The following RASSF4 variants were observed in gnomAD, a reference collection of about 807,000 sequenced individuals.
The protein encoded by RASSF4 is Ras association domain family member 4, also known as ras association domain-containing protein 4.
In RASSF4, 38 loss-of-function variants were observed where a neutral mutation model predicts 41.1. The ratio of observed to expected loss-of-function variants is 0.92; its 90% CI spans 0.71 to 1.21. RASSF4 has a LOEUF of 1.21. Ranked by LOEUF, RASSF4 falls within the 50% of genes most tolerant of loss-of-function variation. The probability of loss-of-function intolerance (pLI) is 0.00; values close to 1 mark genes in which losing one functional copy is unlikely to be tolerated. For synonymous variants in RASSF4, 179 were observed against 163.4 expected (o/e 1.10, Z -0.73); for missense variants, 414 against 419.4 (o/e 0.99, Z 0.11).
At chr10:44,966,632 C>A (rs902380851) in intron 1 of RASSF4, among the ~76,000 whole-genome samples, 1 of 152,170 alleles carries the variant, frequency 6.6e-6, no homozygotes, top group Non-Finnish European at 1.5e-5. Flanking sequence ...ACTGTGGTGC[C>A]ACCCATTTTT....
At chr10:44,982,373 T>C (rs763719087) in intron 3 of RASSF4, 148 bp from the exon 4 acceptor site, 104 of 946,490 alleles carry the variant, frequency 1.1e-4, no homozygotes, top group Admixed American at 1.6e-4. Flanking sequence ...CCAGGGCACG[T>C]AGTGGCTGAT....
chr10:44,977,784 G>C, intron 3 of RASSF4: 2 of 1,601,360 alleles, frequency 1.2e-6, no homozygotes, highest in Non-Finnish European at 1.7e-6. Context: ...GTGATGTCTC[G>C]CAGGGACACA....
chr10:44,968,967 A>T (rs928026310), intron 1 of RASSF4, among the ~76,000 whole-genome samples: 2 of 150,922 alleles, frequency 1.3e-5, no homozygotes, highest in Admixed American at 1.3e-4. Context: ...TGTGTGTGTG[A>T]GTGTGTGTCT....
intron 1 of RASSF4, among the ~76,000 whole-genome samples, chr10:44,960,621 G>A (rs992106241): frequency 6.6e-6 from 1 of 152,232 alleles, no homozygotes; most frequent in Admixed American, 6.5e-5. Context: ...TGGCACGGCG[G>A]AGGGAGGGAG....
At chr10:44,961,849 G>C (rs1031193235) in intron 1 of RASSF4, among the ~76,000 whole-genome samples, 1 of 152,254 alleles carries the variant, frequency 6.6e-6, no homozygotes, top group African/African-American at 2.4e-5. Flanking sequence ...CTCTCACAGA[G>C]TATGTTTGGG....
chr10:44,977,453 G>GGGCGGT (rs2132782924), intron 3 of RASSF4: 1 of 1,611,784 alleles, frequency 6.2e-7, no homozygotes, highest in Non-Finnish European at 8.5e-7. Flanking sequence ...GCTGGGGCGG[G>GGGCGGT]GGCGGTGGCG....
At position 44,989,736 on chromosome 10, in the gene RASSF4, C is replaced by T; in HGVS notation, c.685+15C>T. 1 of 1,613,140 alleles carries T rather than the reference C, an allele frequency of 6.2e-7. No individual in the cohort carries two copies. The highest frequency in any genetic ancestry group is 8.5e-7 in the Non-Finnish European group (1 of 1,179,082). ...CGAGTCTGGGGGTAAGTACCTGCCC[C>T]ACTTCTGGATCGTAAAAGCAAAAGG... On this transcript the variant is annotated intron_variant, in intron 8 of 10. Coordinates refer to ENST00000340258, the MANE Select transcript of RASSF4 (RefSeq NM_032023.4).
In RASSF4 at chr10:44,991,026, T is replaced by A; in HGVS notation, c.764T>A (p.Ile255Asn). The A allele has an allele frequency of 6.2e-7, 1 of 1,613,852 alleles. No individual in the cohort carries two copies. The highest frequency in any genetic ancestry group is 8.5e-7 in the Non-Finnish European group (1 of 1,179,802). Residue 255 changes from isoleucine to asparagine, a missense_variant, in exon 9 of 11, where the codon ATC becomes AAC. Coordinates refer to ENST00000340258, the MANE Select transcript of RASSF4 (RefSeq NM_032023.4). ...GGGCCATGTGAGAAGATCGCCAGGA[T>A]CTTCCTGATGGAAGCTGACTTGGGC... is the stretch of plus-strand genomic sequence containing the variant. ...LHGPCEKIAR[I>N]FLMEADLGVE...
chr10:44,985,275 G>A (rs1450265688), intron 6 of RASSF4, among the ~76,000 whole-genome samples: 1 of 152,154 alleles, frequency 6.6e-6, no homozygotes, highest in African/African-American at 2.4e-5. Flanking sequence ...CCCCGAACTC[G>A]ATTGGTTGAT....
At chr10:44,970,085 C>CT (rs1375690455) in intron 1 of RASSF4, 80 bp from the exon 2 acceptor site, 1 of 824,712 alleles carries the variant, frequency 1.2e-6, no homozygotes, top group African/African-American at 1.7e-5. Flanking sequence ...GTGTCTGTGC[C>CT]AGGGCTGCGG....
In RASSF4 at chr10:44,994,453, G is replaced by C. The variant is rs559469093; in HGVS notation, c.*1124G>C. 6.5e-6 allele frequency: 1 copy of C among 152,752 alleles called. No individual in the cohort carries two copies. The highest frequency in any genetic ancestry group is 1.5e-5 in the Non-Finnish European group (1 of 68,062). 9.5% of individuals were successfully genotyped at this position (152,752 alleles called of 1,614,324 possible). On this transcript the variant is annotated 3_prime_UTR_variant, in exon 11 of 11. Coordinates refer to ENST00000340258, the MANE Select transcript of RASSF4 (RefSeq NM_032023.4). ...AGATTTAAAGGGAAGAACCACAAAG[G>C]CTTGCAAAGATAGGAGAGGCTCCAT... is the stretch of plus-strand genomic sequence containing the variant.
intron 10 of RASSF4, among the ~76,000 whole-genome samples, chr10:44,992,346 T>C (rs1170596778): frequency 6.6e-6 from 1 of 152,236 alleles, no homozygotes; most frequent in Non-Finnish European, 1.5e-5. Context: ...CTGCTGGTGA[T>C]GTGGCTCCAA....
chr10:44,977,978 G>A, intron 3 of RASSF4: 1 of 1,612,208 alleles, frequency 6.2e-7, no homozygotes, highest in Non-Finnish European at 8.5e-7. Flanking sequence ...CTCCTCCGTG[G>A]TCTCCCGAAT....
At chr10:44,968,279 G>A (rs1441888626) in intron 1 of RASSF4, among the ~76,000 whole-genome samples, 2 of 152,194 alleles carry the variant, frequency 1.3e-5, no homozygotes, top group African/African-American at 4.8e-5. Context: ...TACCCAGAGA[G>A]GGGGGCAGAT....
intron 3 of RASSF4, chr10:44,977,178 T>G: frequency 1.9e-6 from 1 of 538,214 alleles, no homozygotes; most frequent in Non-Finnish European, 3.1e-6. Flanking sequence ...CCAGCAAGGG[T>G]CAGAGCGAAC....
At chr10:44,983,224 C>T (rs1841787652) in intron 4 of RASSF4, 2 of 342,300 alleles carry the variant, frequency 5.8e-6, no homozygotes, top group African/African-American at 2.1e-5. Flanking sequence ...TTGCCTGCTT[C>T]TGCAGTAGTA....
chr10:44,972,419 G>T (rs2132772090), intron 3 of RASSF4, among the ~76,000 whole-genome samples: 1 of 152,368 alleles, frequency 6.6e-6, no homozygotes, highest in Non-Finnish European at 1.5e-5. Context: ...CATCCCTACT[G>T]TGCAGGACCG....
intron 6 of RASSF4, among the ~76,000 whole-genome samples, chr10:44,985,247 G>A (rs968311129): frequency 2.0e-5 from 3 of 152,174 alleles, no homozygotes; most frequent in East Asian, 1.9e-4. Flanking sequence ...CAATGAGGGC[G>A]CTTTCTAGGA....
chr10:44,963,625 AG>A (rs1840793029), intron 1 of RASSF4, among the ~76,000 whole-genome samples: 1 of 152,188 alleles, frequency 6.6e-6, no homozygotes. Flanking sequence ...GGAGCAGCTC[AG>A]GCTCCCAGCT....
Sources: gnomAD v4.1 joint callset for allele counts (sites outside exome capture counted in the v4.1 genomes callset) on GRCh38, gnomAD v4.1.1 for gene constraint, MANE v1.5 for transcripts, NCBI Gene and HGNC (gene_info 2026-07-23, HGNC 2026-07-21) for gene names.